Variants in ZEB1 observed in about 807,000 individuals in gnomAD.
ZEB1 encodes the protein zinc finger E-box-binding homeobox 1.
In ZEB1, 21 loss-of-function variants were observed where a neutral mutation model predicts 84.9. The ratio of observed to expected loss-of-function variants is 0.25; its 90% CI spans 0.18 to 0.36. The LOEUF is 0.36. Among genes scored for constraint, ZEB1 ranks in the 10% least tolerant of loss-of-function variants. The pLI, the probability that ZEB1 is intolerant of heterozygous loss-of-function variation, is 1.00. For missense variants in ZEB1, 1,104 were observed against 1,330.2 expected, an observed-to-expected ratio of 0.83 and a Z score of 2.65; for synonymous variants, 420 against 471.1, an observed-to-expected ratio of 0.89 and a Z score of 1.41.
At position 31,461,321 on chromosome 10, in the gene ZEB1, A is replaced by C. The variant is rs2061789243; in HGVS notation, c.259+84A>C. The C allele has an allele frequency of 2.9e-6, 4 of 1,397,732 alleles. No individual in the cohort carries two copies. The Admixed American group carries it at 6.1e-5, about 21-fold the overall frequency. 86.6% of individuals were successfully genotyped at this position (1,397,732 alleles called of 1,614,324 possible). The stretch of plus-strand genomic sequence containing the variant: ...ATTAACTGAAAAGATAAATTGGATG[A>C]AAAGTTTGAAATCAATAGTAAATTT... On this transcript the variant is annotated intron_variant, in intron 2 of 8. Transcript: ENST00000424869.
upstream of ZEB1, chr10:31,319,211 C>T: frequency 6.3e-7 from 1 of 1,596,610 alleles, no homozygotes. Flanking sequence ...GTGACTCGAG[C>T]ATTTAGACAC....
rs3057772 is a variant in ZEB1 at position 31,323,964 on chromosome 10, C to CGTGTGT, written c.58+4699_58+4704dup. On this transcript the variant is annotated intron_variant, in intron 1 of 8. Coordinates refer to ENST00000424869, the MANE Select transcript of ZEB1 (RefSeq NM_001174096.2). Reference sequence around the variant, plus strand: ...CTTATTTTAGGATGTCATGGTTCTTCGTGTGTGTGTGTGTGTGTGTGTGTG... The same window carrying CGTGTGT: ...CTTATTTTAGGATGTCATGGTTCTTCGTGTGTGTGTGTGTGTGTGTGTGTGTGTGTG... Among the ~76,000 whole-genome samples the CGTGTGT allele has an allele frequency of 8.1e-4, 118 of 146,398 alleles. 2 individuals carry two copies. Among genetic ancestry groups the CGTGTGT allele is most frequent in the Admixed American group, 2.5e-3 (37 of 14,602 alleles).
At chr10:31,377,527 G>T (rs192607679) in intron 1 of ZEB1, among the ~76,000 whole-genome samples, 2 of 151,838 alleles carry the variant, frequency 1.3e-5, no homozygotes, top group East Asian at 3.9e-4. Flanking sequence ...CATTAAGGTG[G>T]TTTTAATTTC....
chr10:31,368,557 T>A (rs962773711), intron 1 of ZEB1, among the ~76,000 whole-genome samples: 6 of 152,152 alleles, frequency 3.9e-5, no homozygotes, highest in Admixed American at 1.3e-4. Flanking sequence ...ATTTGTATTA[T>A]TTTTTATTGT....
intron 1 of ZEB1, among the ~76,000 whole-genome samples, chr10:31,440,401 G>A (rs186223727): frequency 6.0e-4 from 92 of 152,202 alleles, no homozygotes; most frequent in African/African-American, 1.9e-3. Flanking sequence ...TTGATGGGAC[G>A]TATCTCAAAA....
At chr10:31,440,228 A>C (rs1382800214) in intron 1 of ZEB1, among the ~76,000 whole-genome samples, 1 of 152,186 alleles carries the variant, frequency 6.6e-6, no homozygotes, top group African/African-American at 2.4e-5. Flanking sequence ...GAAGACTGAG[A>C]GACCAGGAAT....
intron 1 of ZEB1, among the ~76,000 whole-genome samples, chr10:31,452,742 T>TGTGAGAGAGAGAGA (rs1387786622): frequency 1.7e-4 from 15 of 90,804 alleles, no homozygotes; most frequent in South Asian, 3.7e-4. Flanking sequence ...TGTGTGTGTG[T>TGTGAGAGAGAGAGA]GAGAGAGAGA....
intron 1 of ZEB1, among the ~76,000 whole-genome samples, chr10:31,364,250 G>A (rs1286093280): frequency 2.0e-5 from 3 of 152,154 alleles, no homozygotes; most frequent in African/African-American, 7.2e-5. Context: ...AAGGGCAAAG[G>A]GTGAGACCCT....
At chr10:31,454,767 C>CA (rs1223077153) in intron 1 of ZEB1, among the ~76,000 whole-genome samples, 2 of 152,044 alleles carry the variant, frequency 1.3e-5, no homozygotes, top group Non-Finnish European at 2.9e-5. Context: ...AGAGAGGACA[C>CA]AACAAATGGA....
chr10:31,321,615 G>A (rs1430123283), intron 1 of ZEB1: 1 of 1,604,524 alleles, frequency 6.2e-7, no homozygotes, highest in African/African-American at 1.3e-5. Flanking sequence ...TCTTGTTGCT[G>A]ACGACATGTG....
chr10:31,485,862 A>C (rs1240441167), intron 2 of ZEB1, among the ~76,000 whole-genome samples: 2 of 151,870 alleles, frequency 1.3e-5, no homozygotes, highest in Non-Finnish European at 2.9e-5. Context: ...TCATCAGAGC[A>C]CTATCGTGCT....
intron 1 of ZEB1, among the ~76,000 whole-genome samples, chr10:31,430,282 G>A (rs1358073595): frequency 1.3e-5 from 2 of 152,110 alleles, no homozygotes; most frequent in Non-Finnish European, 2.9e-5. Flanking sequence ...CTGTGTAGTG[G>A]TAGCTTATAG....
chr10:31,508,825 T>C (rs1440838811), intron 4 of ZEB1, among the ~76,000 whole-genome samples: 1 of 152,044 alleles, frequency 6.6e-6, no homozygotes, highest in Non-Finnish European at 1.5e-5. Flanking sequence ...AAATGTGCGC[T>C]TTAGCCCCAG....
chr10:31,450,873 C>CGTGTGTGTGT (rs137905132), intron 1 of ZEB1, among the ~76,000 whole-genome samples: 2,274 of 149,536 alleles, frequency 0.015, 40 homozygotes, highest in African/African-American at 0.052. Context: ...TAGGACTGAG[C>CGTGTGTGTGT]GTGTGTGTGT....
intron 1 of ZEB1, among the ~76,000 whole-genome samples, chr10:31,409,211 A>G (rs1422206633): frequency 6.6e-6 from 1 of 152,190 alleles, no homozygotes; most frequent in Non-Finnish European, 1.5e-5. Context: ...ATTTCACACC[A>G]GTTAGAATGG....
At chr10:31,447,516 T>C (rs1194380237) in intron 1 of ZEB1, among the ~76,000 whole-genome samples, 8 of 134,960 alleles carry the variant, frequency 5.9e-5, no homozygotes, top group African/African-American at 2.3e-4. Context: ...GTCTCGATGG[T>C]CTTTACATTT....
At chr10:31,436,506 G>A (rs1317501817) in intron 1 of ZEB1, among the ~76,000 whole-genome samples, 1 of 152,050 alleles carries the variant, frequency 6.6e-6, no homozygotes, top group African/African-American at 2.4e-5. Flanking sequence ...ACATGGCCTA[G>A]GGTACAGTCC....
intron 1 of ZEB1, among the ~76,000 whole-genome samples, chr10:31,428,850 CTG>C (rs1291965395): frequency 3.9e-5 from 6 of 152,160 alleles, no homozygotes; most frequent in Non-Finnish European, 7.4e-5. Context: ...GGTTTAAAGT[CTG>C]TTTTGTCAGA....
chr10:31,476,867 C>T (rs161235), intron 2 of ZEB1, among the ~76,000 whole-genome samples: 37,013 of 151,938 alleles, frequency 0.24, 10,282 homozygotes, highest in African/African-American at 0.69. Context: ...AATGTCACTT[C>T]ATGTTAAAAA....
Sources: gnomAD v4.1 joint callset for allele counts (sites outside exome capture counted in the v4.1 genomes callset) on GRCh38, gnomAD v4.1.1 for gene constraint, MANE v1.5 for transcripts, NCBI Gene and HGNC (gene_info 2026-07-23, HGNC 2026-07-21) for gene names.